The following ROBO1 variants were observed in gnomAD, a reference collection of about 807,000 sequenced individuals.
The protein encoded by ROBO1 is roundabout homolog 1.
In ROBO1, 149 loss-of-function variants were observed where a neutral mutation model predicts 195.9. That is an observed-to-expected ratio of 0.76 (90% confidence interval 0.67 to 0.87). The LOEUF is 0.87. Among genes scored for constraint, ROBO1 ranks in the 40% least tolerant of loss-of-function variants. The pLI is 0.00. For missense variants in ROBO1, 1,933 were observed against 2,068.3 expected (o/e 0.93, Z 1.27); for synonymous variants, 816 against 733.2 (o/e 1.11, Z -1.82).
At chr3:79,137,578 CA>C in intron 2 of ROBO1, among the ~76,000 whole-genome samples, 1 of 152,104 alleles carries the variant, frequency 6.6e-6, no homozygotes, top group Middle Eastern at 3.4e-3. Flanking sequence ...ATTTTATATG[CA>C]TATATGTGTT....
At chr3:79,594,093 C>T (rs1944089217) in intron 1 of ROBO1, among the ~76,000 whole-genome samples, 1 of 151,784 alleles carries the variant, frequency 6.6e-6, no homozygotes, top group East Asian at 1.9e-4. Flanking sequence ...TTCTCAATAC[C>T]TTGAATTTTT....
chr3:79,746,300 A>G (rs759901376), intron 1 of ROBO1, among the ~76,000 whole-genome samples: 5 of 152,094 alleles, frequency 3.3e-5, no homozygotes, highest in Non-Finnish European at 7.4e-5. Context: ...AAAAATCTAC[A>G]TTAATTTTTA....
At chr3:79,542,742 C>T (rs982344448) in intron 2 of ROBO1, among the ~76,000 whole-genome samples, 6 of 152,076 alleles carry the variant, frequency 3.9e-5, no homozygotes, top group Admixed American at 2.0e-4. Flanking sequence ...AGCTAGTAAG[C>T]GGTTGAGCCA....
At chr3:79,667,115 G>T (rs1423629855) in intron 1 of ROBO1, among the ~76,000 whole-genome samples, 1 of 151,812 alleles carries the variant, frequency 6.6e-6, no homozygotes, top group Non-Finnish European at 1.5e-5. Context: ...TCTGGTAAAT[G>T]ACATACATTA....
chr3:79,255,548 T>A (rs2108923035), intron 2 of ROBO1, among the ~76,000 whole-genome samples: 1 of 152,264 alleles, frequency 6.6e-6, no homozygotes, highest in African/African-American at 2.4e-5. Context: ...GGATTGTTGG[T>A]AAAGTAGTAC....
intron 2 of ROBO1, among the ~76,000 whole-genome samples, chr3:79,329,009 T>C (rs571653573): frequency 1.3e-3 from 192 of 152,334 alleles, no homozygotes; most frequent in African/African-American, 4.0e-3. Flanking sequence ...TCCGGTACAA[T>C]TTTACTTCAT....
At chr3:79,493,077 T>C (rs1338045196) in intron 2 of ROBO1, among the ~76,000 whole-genome samples, 1 of 151,968 alleles carries the variant, frequency 6.6e-6, no homozygotes, top group East Asian at 1.9e-4. Flanking sequence ...ACAAAATACA[T>C]CAGGCTTTAT....
chr3:79,420,757 G>T (rs2038191452), intron 2 of ROBO1, among the ~76,000 whole-genome samples: 1 of 152,142 alleles, frequency 6.6e-6, no homozygotes, highest in African/African-American at 2.4e-5. Flanking sequence ...AGCTTGCAGA[G>T]AAAAGGGAAT....
intron 2 of ROBO1, among the ~76,000 whole-genome samples, chr3:79,215,043 T>C (rs1264933067): frequency 1.3e-5 from 2 of 152,076 alleles, no homozygotes; most frequent in Non-Finnish European, 2.9e-5. Flanking sequence ...AAGCTCCCTT[T>C]GCTAAAATGC....
chr3:79,094,675 A>G (rs1265718847), intron 3 of ROBO1, among the ~76,000 whole-genome samples: 1 of 152,118 alleles, frequency 6.6e-6, no homozygotes, highest in Non-Finnish European at 1.5e-5. Flanking sequence ...AAAAATATTT[A>G]TCTCTGAATT....
At chr3:78,738,586 T>C (rs2082448187) in intron 5 of ROBO1, among the ~76,000 whole-genome samples, 1 of 152,124 alleles carries the variant, frequency 6.6e-6, no homozygotes, top group Admixed American at 6.5e-5. Flanking sequence ...CACAAAACAA[T>C]TCGTTTAAAC....
chr3:79,670,991 T>C (rs1946615802), intron 1 of ROBO1, among the ~76,000 whole-genome samples: 1 of 151,860 alleles, frequency 6.6e-6, no homozygotes. Flanking sequence ...TTTAATTAGC[T>C]TTCTATGCTT....
chr3:78,926,270 T>C (rs2039216334), intron 4 of ROBO1, among the ~76,000 whole-genome samples: 2 of 152,126 alleles, frequency 1.3e-5, no homozygotes, highest in Non-Finnish European at 2.9e-5. Context: ...ATTAAGACTT[T>C]AGAAGCAATT....
intron 9 of ROBO1, among the ~76,000 whole-genome samples, chr3:78,687,334 G>GA (rs1367121181): frequency 6.6e-6 from 1 of 152,036 alleles, no homozygotes; most frequent in African/African-American, 2.4e-5. Context: ...AGGCCAAATG[G>GA]AATGTGTTAG....
At chr3:78,756,952 C>T (rs931490021) in intron 4 of ROBO1, among the ~76,000 whole-genome samples, 9 of 152,020 alleles carry the variant, frequency 5.9e-5, no homozygotes, top group Admixed American at 1.3e-4. Flanking sequence ...CAGCACAATC[C>T]ACAATCTCAA....
chr3:78,768,451 A>G (rs993182232), intron 4 of ROBO1, among the ~76,000 whole-genome samples: 3 of 152,164 alleles, frequency 2.0e-5, no homozygotes, highest in Non-Finnish European at 4.4e-5. Flanking sequence ...AAAATCATGA[A>G]TAGTAGAGAC....
At chr3:79,388,999 T>C (rs901531325) in intron 2 of ROBO1, among the ~76,000 whole-genome samples, 2 of 152,174 alleles carry the variant, frequency 1.3e-5, no homozygotes, top group Non-Finnish European at 2.9e-5. Context: ...GGTCTAACAA[T>C]AGAATGATGT....
chr3:79,250,257 T>A (rs2108906677), intron 2 of ROBO1, among the ~76,000 whole-genome samples: 1 of 152,320 alleles, frequency 6.6e-6, no homozygotes, highest in East Asian at 1.9e-4. Flanking sequence ...TTTTAAAGAA[T>A]TCACAATATA....
chr3:78,669,551 C>T (rs1334116200), intron 11 of ROBO1, among the ~76,000 whole-genome samples: 1 of 152,150 alleles, frequency 6.6e-6, no homozygotes, highest in East Asian at 1.9e-4. Flanking sequence ...ATATGATGCC[C>T]TGTGAAAGTA....
Sources: gnomAD v4.1 joint callset for allele counts (sites outside exome capture counted in the v4.1 genomes callset) on GRCh38, gnomAD v4.1.1 for gene constraint, MANE v1.5 for transcripts, NCBI Gene and HGNC (gene_info 2026-07-23, HGNC 2026-07-21) for gene names.